The following UGGT1 variants were observed in gnomAD, a reference collection of about 807,000 sequenced individuals.
UGGT1 encodes UDP-glucose glycoprotein glucosyltransferase 1.
UGGT1 carries 107 observed loss-of-function variants against 203.9 expected under a neutral mutation model. The observed-to-expected ratio is 0.52, with a 90% confidence interval of 0.45 to 0.62. The LOEUF (loss-of-function observed/expected upper bound fraction) is 0.62, where lower values mean the gene tolerates loss of function less well. Among genes scored for constraint, UGGT1 ranks in the 20% least tolerant of loss-of-function variants. The pLI, the probability that UGGT1 is intolerant of heterozygous loss-of-function variation, is 0.00. For missense variants in UGGT1, 1,673 were observed against 1,867.2 expected, an observed-to-expected ratio of 0.90 and a Z score of 1.92; for synonymous variants, 628 against 653.5, an observed-to-expected ratio of 0.96 and a Z score of 0.59.
intron 21 of UGGT1, 136 bp downstream of exon 21, chr2:128,156,551 G>T: frequency 4.8e-4 from 233 of 486,366 alleles, no homozygotes; most frequent in Middle Eastern, 1.2e-3. Flanking sequence ...TATCAATGTA[G>T]ATAATTTTTT....
intron 28 of UGGT1, 192 bp downstream of exon 28, chr2:128,171,476 G>C (rs1691099328): frequency 1.8e-6 from 1 of 566,826 alleles, no homozygotes; most frequent in Non-Finnish European, 3.1e-6. Flanking sequence ...TAGCATTTAG[G>C]TGGCATTAAC....
In UGGT1 at chr2:128,170,376, G is replaced by A; in HGVS notation, c.3010G>A (p.Ala1004Thr). 1 of 1,614,116 alleles carries A rather than the reference G, an allele frequency of 6.2e-7. No homozygotes were observed. Among genetic ancestry groups the A allele is most frequent in the African/African-American group, 1.3e-5 (1 of 75,064 alleles). ...DPVTREAQRL[A>T]PLLLVLAQLI... is the part of the protein sequence containing the mutation. The stretch of plus-strand genomic sequence containing the variant: ...TGTCACCAGAGAAGCACAGAGACTT[G>A]CTCCTTTGCTCTTGGTAGGAACGCT... The change falls in exon 27 of 41, where the codon GCT becomes ACT. Residue 1004 changes from alanine to threonine, a missense_variant. Around this residue, in one of 4 missense-constraint regions of UGGT1, gnomAD observed 513 missense variants for 684.1 expected, o/e 0.75. Coordinates refer to ENST00000259253, the MANE Select transcript of UGGT1 (RefSeq NM_020120.4).
intron 6 of UGGT1, among the ~76,000 whole-genome samples, chr2:128,114,278 G>A (rs1240386772): frequency 2.0e-5 from 3 of 151,754 alleles, no homozygotes; most frequent in Admixed American, 1.3e-4. Flanking sequence ...CCATCATGCC[G>A]GCTAATTTTT....
chr2:128,152,652 AAC>A lies in UGGT1; in HGVS notation c.2017-131_2017-130del. ...CAGTGACAGGGACCAATAACATAGTAACTTCTGTCTTAACTATTATTAGCACA... is the reference window on the plus strand; with the variant it reads ...CAGTGACAGGGACCAATAACATAGTATTCTGTCTTAACTATTATTAGCACA... On this transcript the variant is annotated intron_variant, in intron 18 of 40. Transcript: ENST00000259253. 3.2e-6 allele frequency: 4 copies of A among 1,244,978 alleles called. No individual in the cohort carries two copies. In the East Asian group the frequency reaches 1.0e-4, roughly 31 times the overall value. 77.1% of individuals were successfully genotyped at this position (1,244,978 alleles called of 1,614,324 possible). A position where few individuals can be genotyped will look rare whatever the true frequency, so the allele number is the denominator to read the frequency against.
chr2:128,144,756 A>G (rs1689599406), intron 17 of UGGT1, among the ~76,000 whole-genome samples: 1 of 152,238 alleles, frequency 6.6e-6, no homozygotes, highest in South Asian at 2.1e-4. Context: ...CTGATTAGAA[A>G]GTAAGCAGTC....
intron 1 of UGGT1, among the ~76,000 whole-genome samples, chr2:128,092,460 T>C (rs1686909899): frequency 6.6e-6 from 1 of 151,746 alleles, no homozygotes; most frequent in Admixed American, 6.6e-5. Flanking sequence ...ACATTTATAA[T>C]GCACATTGAA....
In UGGT1 at chr2:128,180,987, G is replaced by GTC; in HGVS notation, c.3999_4000insCT (p.Ile1334LeufsTer17). 1 of 1,614,138 alleles carries GTC rather than the reference G, an allele frequency of 6.2e-7. No individual in the cohort carries two copies. The highest frequency in any genetic ancestry group is 8.5e-7 in the Non-Finnish European group (1 of 1,180,020). Reference sequence around the variant, plus strand: ...CTTCATCAACAAACTGAAAAACAGCGTATCATCTGGGGTTACAAGATCCTC... The same window carrying GTC: ...CTTCATCAACAAACTGAAAAACAGCGTCTATCATCTGGGGTTACAAGATCCTC... On this transcript the variant is annotated frameshift_variant, in exon 36 of 41. Transcript: ENST00000259253. LOFTEE classifies it high-confidence loss of function.
In UGGT1 at chr2:128,157,565, G is replaced by C. The variant is rs147842219; in HGVS notation, c.2355+219G>C. Among the ~76,000 whole-genome samples, 364 of 152,242 alleles carry C rather than the reference G, an allele frequency of 2.4e-3. 2 individuals are homozygous for C. Among genetic ancestry groups the C allele is most frequent in the African/African-American group, 7.4e-3 (306 of 41,536 alleles). On this transcript the variant is annotated intron_variant, in intron 22 of 40. Coordinates refer to ENST00000259253, the MANE Select transcript of UGGT1 (RefSeq NM_020120.4). ...TTGTTGAACGGGATAGATTCTTATA[G>C]AGAAAAAAATAAATAGCGAGATCCT...
chr2:128,163,087 C>G (rs1476343877), intron 25 of UGGT1, among the ~76,000 whole-genome samples: 1 of 152,164 alleles, frequency 6.6e-6, no homozygotes, highest in African/African-American at 2.4e-5. Flanking sequence ...GATCATTGTT[C>G]TTCATCAGCC....
chr2:128,138,632 T>C, intron 15 of UGGT1, 85 bp from the exon 16 acceptor site: 3 of 1,474,220 alleles, frequency 2.0e-6, no homozygotes, highest in Admixed American at 4.0e-5. Flanking sequence ...AGCTATAATG[T>C]ATGAGAAGGG....
At chr2:128,162,975 C>G (rs1233971510) in intron 25 of UGGT1, among the ~76,000 whole-genome samples, 1 of 152,246 alleles carries the variant, frequency 6.6e-6, no homozygotes, top group Non-Finnish European at 1.5e-5. Flanking sequence ...GCCAGAGCTG[C>G]TCCACCTTGG....
intron 16 of UGGT1, among the ~76,000 whole-genome samples, chr2:128,141,691 C>T (rs956968660): frequency 2.0e-5 from 3 of 151,254 alleles, no homozygotes; most frequent in South Asian, 2.1e-4. Flanking sequence ...CCTGCCACCA[C>T]GCCCAGCTAA....
At position 128,179,001 on chromosome 2, in the gene UGGT1, T is replaced by C. The variant is rs143676168; in HGVS notation, c.3815+432T>C. On this transcript the variant is annotated intron_variant, in intron 34 of 40. Transcript: ENST00000259253. ...GAACACTTCTGTTTTATAAACAGGC[T>C]GAGGCCCCGAGTGTGAAGGGACTTG... 2.9e-3 allele frequency among the ~76,000 whole-genome samples: 439 copies of C among 152,304 alleles called. 3 individuals carry two copies. The highest frequency in any genetic ancestry group is 3.8e-3 in the Non-Finnish European group (260 of 68,032).
chr2:128,146,039 G>A (rs1363391314), intron 18 of UGGT1, 72 bp downstream of exon 18: 2 of 1,569,756 alleles, frequency 1.3e-6, no homozygotes, highest in Non-Finnish European at 1.7e-6. Context: ...TCTATAGTAG[G>A]CAGTAAAATT....
Position 128,104,005 on chromosome 2 carries a change from G to C in UGGT1, c.268G>C (p.Asp90His), listed in dbSNP as rs1171905422. 6.4e-7 allele frequency: 1 copy of C among 1,573,982 alleles called. No homozygotes were observed. Among genetic ancestry groups the C allele is most frequent in the African/African-American group, 1.4e-5 (1 of 72,626 alleles). ...AGCCAGTCAAAATATTGGATCATCA[G>C]ATCATGACGGTAAAATTGAAGCAAA... Reference protein sequence around the residue: ...VEASQNIGSSDHDGTDYSYYH... With the variant: ...VEASQNIGSSHHDGTDYSYYH... The change falls in exon 3 of 41, where the codon GAT becomes CAT. Residue 90 changes from aspartate to histidine, a missense_variant. This residue lies in a region of UGGT1 where 1,073 missense variants were observed against 1,078.7 expected (regional missense o/e 0.99). Transcript: ENST00000259253.
Position 128,109,758 on chromosome 2 carries a change from G to A in UGGT1, c.521+12G>A. On this transcript the variant is annotated intron_variant, in intron 5 of 40. Coordinates refer to ENST00000259253, the MANE Select transcript of UGGT1 (RefSeq NM_020120.4). ...ACAGCCTCTGAAAGGTAGATTATGTGTTTCTTTATTTTCATGTCATGCATT... is the reference window on the plus strand; with the variant it reads ...ACAGCCTCTGAAAGGTAGATTATGTATTTCTTTATTTTCATGTCATGCATT... 1 of 1,601,338 alleles carries A rather than the reference G, an allele frequency of 6.2e-7. No homozygotes were observed. Among genetic ancestry groups the A allele is most frequent in the Non-Finnish European group, 8.6e-7 (1 of 1,169,120 alleles).
At chr2:128,119,389 C>G (rs908843840) in intron 8 of UGGT1, among the ~76,000 whole-genome samples, 1 of 151,696 alleles carries the variant, frequency 6.6e-6, no homozygotes, top group Non-Finnish European at 1.5e-5. Context: ...CAGGAGTTCA[C>G]GCCATTGCAC....
At chr2:128,164,868 A>G (rs1690710809) in intron 26 of UGGT1, 43 bp downstream of exon 26, 1 of 1,451,544 alleles carries the variant, frequency 6.9e-7, no homozygotes, top group African/African-American at 1.4e-5. Context: ...TTGAATATTA[A>G]ACTCTTATGT....
intron 1 of UGGT1, among the ~76,000 whole-genome samples, chr2:128,095,044 G>A (rs566683634): frequency 6.6e-6 from 1 of 152,092 alleles, no homozygotes; most frequent in South Asian, 2.1e-4. Flanking sequence ...CCACTGCGCT[G>A]GGCCAGTCCC....
Sources: allele counts gnomAD v4.1 joint callset (sites outside exome capture counted in the v4.1 genomes callset), GRCh38; gene constraint gnomAD v4.1.1; regional missense constraint gnomAD v4.1.1; transcripts MANE v1.5; gene names NCBI Gene and HGNC (gene_info 2026-07-23, HGNC 2026-07-21).